Variants in TBC1D5 observed in about 807,000 individuals in gnomAD.
TBC1D5 encodes TBC1 domain family, member 5.
In TBC1D5, 75 loss-of-function variants were observed where a neutral mutation model predicts 100.3. That is an observed-to-expected ratio of 0.75 (90% CI 0.62 to 0.91). TBC1D5 has a LOEUF of 0.91. Ranked by LOEUF, TBC1D5 falls within the 40% of genes least tolerant of loss-of-function variation. TBC1D5 has a pLI of 0.00. For synonymous variants in TBC1D5, 323 were observed against 325.6 expected (o/e 0.99, Z 0.09); for missense variants, 910 against 942.4 (o/e 0.97, Z 0.45).
At chr3:17,431,385 C>A (rs575216649) in intron 3 of TBC1D5, among the ~76,000 whole-genome samples, 2 of 152,024 alleles carry the variant, frequency 1.3e-5, no homozygotes, top group Non-Finnish European at 2.9e-5. Flanking sequence ...AACTAATCTG[C>A]AATTTTTAGA....
intron 13 of TBC1D5, among the ~76,000 whole-genome samples, chr3:17,368,250 T>C (rs1380445373): frequency 1.3e-5 from 2 of 152,176 alleles, no homozygotes; most frequent in Admixed American, 6.5e-5. Context: ...AGAATGAGAT[T>C]ATCAAATTTT....
At chr3:17,424,346 GGA>G (rs1418895986) in intron 4 of TBC1D5, among the ~76,000 whole-genome samples, 3 of 152,186 alleles carry the variant, frequency 2.0e-5, no homozygotes, top group Non-Finnish European at 4.4e-5. Context: ...GGGAAGAGGA[GGA>G]GAGGAGTGGC....
chr3:17,603,722 G>C (rs1354076936), intron 2 of TBC1D5, among the ~76,000 whole-genome samples: 1 of 152,062 alleles, frequency 6.6e-6, no homozygotes, highest in Admixed American at 6.5e-5. Context: ...CTGGAGTGCA[G>C]TGGCGCAATC....
intron 1 of TBC1D5, chr3:17,699,963 A>C (rs2072894600): frequency 6.6e-6 from 1 of 152,254 alleles, no homozygotes; most frequent in Non-Finnish European, 1.5e-5. Flanking sequence ...GCCCCCTGAG[A>C]TATACCCCCT....
chr3:17,252,383 A>G (rs1013181105), intron 16 of TBC1D5, among the ~76,000 whole-genome samples: 10 of 152,168 alleles, frequency 6.6e-5, no homozygotes, highest in African/African-American at 2.2e-4. Flanking sequence ...CTCTGCCCCG[A>G]CAGAGCCTAA....
intron 3 of TBC1D5, among the ~76,000 whole-genome samples, chr3:17,505,378 G>A (rs1000679733): frequency 1.3e-5 from 2 of 152,042 alleles, no homozygotes; most frequent in African/African-American, 2.4e-5. Context: ...TGCCATGATT[G>A]GAAGCTTCCT....
chr3:17,455,466 ATGTGTATATATATGTATATATATG>A (rs2095055738), intron 3 of TBC1D5, among the ~76,000 whole-genome samples: 1 of 146,304 alleles, frequency 6.8e-6, no homozygotes, highest in African/African-American at 2.5e-5. Context: ...GTGTATATAT[ATGTGTATATATATGTATATATATG>A]TGTATATATA....
intron 2 of TBC1D5, among the ~76,000 whole-genome samples, chr3:17,510,629 G>T (rs1576434546): frequency 6.6e-6 from 1 of 152,000 alleles, no homozygotes; most frequent in Non-Finnish European, 1.5e-5. Context: ...GTATAACACA[G>T]AGTTTGACAA....
intron 3 of TBC1D5, among the ~76,000 whole-genome samples, chr3:17,458,421 C>G (rs544546460): frequency 6.6e-6 from 1 of 152,232 alleles, no homozygotes; most frequent in East Asian, 1.9e-4. Context: ...TTCCTCACCA[C>G]GGAGGGCATT....
chr3:17,675,186 T>C, intron 1 of TBC1D5, among the ~76,000 whole-genome samples: 1 of 151,812 alleles, frequency 6.6e-6, no homozygotes, highest in South Asian at 2.1e-4. Context: ...AAATGAACAG[T>C]CTGAGTTACA....
intron 13 of TBC1D5, among the ~76,000 whole-genome samples, chr3:17,342,591 T>A (rs1014366281): frequency 6.6e-6 from 1 of 152,230 alleles, no homozygotes; most frequent in South Asian, 2.1e-4. Flanking sequence ...GGCTGACTAT[T>A]AAAATAAATT....
At chr3:17,597,004 T>A (rs1473207075) in intron 2 of TBC1D5, among the ~76,000 whole-genome samples, 1 of 152,180 alleles carries the variant, frequency 6.6e-6, no homozygotes, top group East Asian at 1.9e-4. Context: ...ATTATAAAAC[T>A]CTAAACTTTC....
chr3:17,173,785 G>A (rs2067408155), intron 19 of TBC1D5, among the ~76,000 whole-genome samples: 2 of 152,274 alleles, frequency 1.3e-5, no homozygotes, highest in South Asian at 4.1e-4. Flanking sequence ...CTCTAAAGAG[G>A]AACTATGCAT....
At chr3:17,327,593 TC>T (rs770422791) in intron 13 of TBC1D5, among the ~76,000 whole-genome samples, 5 of 152,100 alleles carry the variant, frequency 3.3e-5, no homozygotes, top group Admixed American at 6.6e-5. Context: ...CATGGCTTGC[TC>T]CCATAGCTAT....
intron 13 of TBC1D5, among the ~76,000 whole-genome samples, chr3:17,365,557 T>C (rs1416693238): frequency 6.6e-6 from 1 of 152,210 alleles, no homozygotes; most frequent in Admixed American, 6.5e-5. Context: ...CTTATTGTTT[T>C]AGCTATACAT....
At chr3:17,579,746 A>G (rs2096681275) in intron 2 of TBC1D5, among the ~76,000 whole-genome samples, 1 of 152,162 alleles carries the variant, frequency 6.6e-6, no homozygotes, top group Admixed American at 6.5e-5. Context: ...GTAATTCTCC[A>G]GTTAGCTGAG....
chr3:17,459,847 CAT>C (rs1346638861), intron 3 of TBC1D5, among the ~76,000 whole-genome samples: 2 of 151,996 alleles, frequency 1.3e-5, no homozygotes, highest in Admixed American at 6.5e-5. Flanking sequence ...CTTAGAAAAA[CAT>C]AGGGTTTTCC....
intron 18 of TBC1D5, among the ~76,000 whole-genome samples, chr3:17,203,930 G>A (rs574554676): frequency 6.6e-6 from 1 of 152,326 alleles, no homozygotes; most frequent in South Asian, 2.1e-4. Flanking sequence ...CTCTAGCTAT[G>A]AGGAACAACC....
chr3:17,227,501 C>A (rs1227424161), intron 17 of TBC1D5, among the ~76,000 whole-genome samples: 1 of 151,954 alleles, frequency 6.6e-6, no homozygotes, highest in Non-Finnish European at 1.5e-5. Context: ...CCATTATACA[C>A]CATGGAATTC....
Sources: gnomAD v4.1 joint callset for allele counts (sites outside exome capture counted in the v4.1 genomes callset) on GRCh38, gnomAD v4.1.1 for gene constraint, MANE v1.5 for transcripts, NCBI Gene and HGNC (gene_info 2026-07-23, HGNC 2026-07-21) for gene names.